The following SUMF1 variants were observed in gnomAD, a reference collection of about 807,000 sequenced individuals.
The protein encoded by SUMF1 is formylglycine-generating enzyme.
Under a neutral mutation model 47.6 loss-of-function variants are expected in SUMF1, and 48 were observed. The ratio of observed to expected loss-of-function variants is 1.01; its 90% CI spans 0.80 to 1.28. SUMF1 has a LOEUF of 1.28. SUMF1 is among the 50% of genes most tolerant of loss of function. The pLI is 0.00. For synonymous variants in SUMF1, 230 were observed against 192.1 expected (o/e 1.20, Z -1.63); for missense variants, 571 against 485.4 (o/e 1.18, Z -1.66).
chr3:4,051,850 T>G (rs1382933235), intron 9 of SUMF1, among the ~76,000 whole-genome samples: 1 of 152,204 alleles, frequency 6.6e-6, no homozygotes, highest in East Asian at 1.9e-4. Flanking sequence ...TTCCTTCTTT[T>G]CTACCCCTGC....
chr3:4,462,813 T>A lies in SUMF1; in HGVS notation c.270+4163A>T, dbSNP rs543084925. Among the ~76,000 whole-genome samples the A allele has an allele frequency of 2.6e-5, 4 of 152,350 alleles. No individual in the cohort carries two copies. The South Asian group carries it at 8.3e-4, about 32-fold the overall frequency. On this transcript the variant is annotated intron_variant, in intron 1 of 8. Coordinates refer to ENST00000272902, the MANE Select transcript of SUMF1 (RefSeq NM_182760.4). Reference sequence around the variant, plus strand: ...TATCTATCTATACAGGGCTTATTTATCTATACCATTCTGTCACCCTCCTGC... The same window carrying A: ...TATCTATCTATACAGGGCTTATTTAACTATACCATTCTGTCACCCTCCTGC...
At chr3:4,253,554 C>G (rs62258110) in intron 8 of SUMF1, among the ~76,000 whole-genome samples, 1 of 151,172 alleles carries the variant, frequency 6.6e-6, no homozygotes, top group Non-Finnish European at 1.5e-5. Flanking sequence ...CTTTTCAGAC[C>G]GGCTTAAAAA....
chr3:4,209,373 G>A (rs1476011251), intron 8 of SUMF1, among the ~76,000 whole-genome samples: 1 of 152,140 alleles, frequency 6.6e-6, no homozygotes, highest in Non-Finnish European at 1.5e-5. Context: ...TTCAGTTTCT[G>A]TCATTACCTG....
intron 8 of SUMF1, among the ~76,000 whole-genome samples, chr3:4,145,003 T>A (rs1443332196): frequency 6.6e-6 from 1 of 151,720 alleles, no homozygotes; most frequent in Non-Finnish European, 1.5e-5. Context: ...ATTGAGACCA[T>A]CCTGGCTAAC....
At chr3:4,371,128 G>A (rs1365025185) in intron 8 of SUMF1, among the ~76,000 whole-genome samples, 2 of 152,140 alleles carry the variant, frequency 1.3e-5, no homozygotes, top group East Asian at 3.8e-4. Context: ...TAATTAAAGA[G>A]GTAAATGGCC....
intron 7 of SUMF1, among the ~76,000 whole-genome samples, chr3:4,377,625 A>G (rs1248143887): frequency 2.6e-5 from 4 of 152,222 alleles, no homozygotes; most frequent in Non-Finnish European, 5.9e-5. Context: ...GTATAATGGC[A>G]AGACTTTTTT....
intron 8 of SUMF1, among the ~76,000 whole-genome samples, chr3:4,122,044 C>T (rs187302175): frequency 1.5e-4 from 22 of 151,554 alleles, no homozygotes; most frequent in Admixed American, 1.2e-3. Context: ...AGGACATGAT[C>T]GCGTTCTTTT....
rs552930035 is a variant in SUMF1 at position 4,200,340 on chromosome 3, C to A, written c.1015-131595G>T. On this transcript the variant is annotated intron_variant and NMD_transcript_variant, in intron 8 of 12. Coordinates refer to the SUMF1 transcript ENST00000448413. ...TGTGTGAGTCAGTGAATTCAGTGGG[C>A]AAAATCTGCCTTCAATGTGGGCAGG... is the stretch of plus-strand genomic sequence containing the variant. 2.3e-4 allele frequency among the ~76,000 whole-genome samples: 35 copies of A among 151,914 alleles called. 1 individual carries two copies. Among genetic ancestry groups the A allele is most frequent in the Non-Finnish European group, 4.7e-4 (32 of 67,954 alleles).
intron 8 of SUMF1, chr3:4,313,350 G>A: frequency 6.2e-7 from 1 of 1,613,960 alleles, no homozygotes; most frequent in South Asian, 1.1e-5. Context: ...TTTATAATGG[G>A]CAGGTAATGG....
intron 8 of SUMF1, chr3:4,312,969 T>C: frequency 6.2e-7 from 1 of 1,613,906 alleles, no homozygotes; most frequent in Non-Finnish European, 8.5e-7. Flanking sequence ...CCGGATGCAT[T>C]TGTGTCAAAA....
intron 8 of SUMF1, among the ~76,000 whole-genome samples, chr3:4,269,516 C>A (rs1697264132): frequency 6.6e-6 from 1 of 152,160 alleles, no homozygotes; most frequent in African/African-American, 2.4e-5. Flanking sequence ...ATGCAAATAT[C>A]AAACAATCTT....
At chr3:4,093,757 A>T (rs1692840022) in intron 8 of SUMF1, among the ~76,000 whole-genome samples, 1 of 152,114 alleles carries the variant, frequency 6.6e-6, no homozygotes, top group South Asian at 2.1e-4. Context: ...ATAATGACTA[A>T]TTCTAAGGAA....
intron 8 of SUMF1, among the ~76,000 whole-genome samples, chr3:4,089,082 A>G (rs1248583547): frequency 1.3e-5 from 2 of 152,046 alleles, no homozygotes; most frequent in Non-Finnish European, 2.9e-5. Flanking sequence ...CATGACCCAC[A>G]CTGTGGAAGC....
intron 3 of SUMF1, among the ~76,000 whole-genome samples, chr3:4,442,756 A>G (rs1289356993): frequency 6.6e-6 from 1 of 151,738 alleles, no homozygotes; most frequent in Non-Finnish European, 1.5e-5. Context: ...AACAACTAAG[A>G]GGGAGTTCAG....
intron 7 of SUMF1, among the ~76,000 whole-genome samples, chr3:4,397,732 T>A (rs1322226492): frequency 2.0e-5 from 3 of 152,164 alleles, no homozygotes; most frequent in Non-Finnish European, 4.4e-5. Flanking sequence ...AGAAGTGTTA[T>A]TTATAATTGC....
chr3:4,430,713 A>C (rs901572299), intron 3 of SUMF1, among the ~76,000 whole-genome samples: 1 of 152,142 alleles, frequency 6.6e-6, no homozygotes, highest in African/African-American at 2.4e-5. Flanking sequence ...GATGATTTCA[A>C]GCCTGTTCTA....
intron 8 of SUMF1, among the ~76,000 whole-genome samples, chr3:4,176,121 A>G (rs773381206): frequency 2.0e-5 from 3 of 152,186 alleles, no homozygotes; most frequent in Non-Finnish European, 2.9e-5. Context: ...TCTTCAGGAT[A>G]TTATCCAGGA....
intron 7 of SUMF1, among the ~76,000 whole-genome samples, chr3:4,400,366 T>C (rs186490915): frequency 1.3e-5 from 2 of 152,310 alleles, no homozygotes; most frequent in East Asian, 3.9e-4. Flanking sequence ...TAAGCATCAG[T>C]GGAGCAAAAG....
In SUMF1 at chr3:4,107,091, C is replaced by T. The variant is rs184092916; in HGVS notation, c.1015-38346G>A. On this transcript the variant is annotated intron_variant and NMD_transcript_variant, in intron 8 of 12. Coordinates refer to the SUMF1 transcript ENST00000448413. ...ACCATCAGCTACTGAGATCAATAGC[C>T]CAAGGTTGGGCATGGAGGAGCTTCA... Among the ~76,000 whole-genome samples, 191 of 152,062 alleles carry T rather than the reference C, an allele frequency of 1.3e-3. 2 individuals are homozygous for T. Among genetic ancestry groups the T allele is most frequent in the Admixed American group, 6.7e-3 (103 of 15,278 alleles).
Sources: allele counts gnomAD v4.1 joint callset (sites outside exome capture counted in the v4.1 genomes callset), GRCh38; gene constraint gnomAD v4.1.1; transcripts MANE v1.5; gene names NCBI Gene and HGNC (gene_info 2026-07-23, HGNC 2026-07-21).